The following ERP27 variants were observed in gnomAD, a reference collection of about 807,000 sequenced individuals.
ERP27 encodes the protein endoplasmic reticulum resident protein 27.
A neutral mutation model predicts 27.7 loss-of-function variants in ERP27; 23 were observed. The ratio of observed to expected loss-of-function variants is 0.83; its 90% CI spans 0.60 to 1.18. The LOEUF is 1.18. Among genes scored for constraint, ERP27 ranks in the 50% most tolerant of loss-of-function variants. The probability of loss-of-function intolerance (pLI) is 0.00; values close to 1 mark genes in which losing one functional copy is unlikely to be tolerated. For synonymous variants in ERP27, 159 were observed against 118.3 expected, an observed-to-expected ratio of 1.34 and a Z score of -2.23; for missense variants, 363 against 327.9, an observed-to-expected ratio of 1.11 and a Z score of -0.83.
chr12:14,915,271 C>T (rs1420449231), intron 6 of ERP27, among the ~76,000 whole-genome samples: 4 of 152,156 alleles, frequency 2.6e-5, no homozygotes, highest in African/African-American at 7.2e-5. Flanking sequence ...AAAATCTACT[C>T]TTCTAGCTAT....
chr12:14,923,292 C>G (rs899878244), intron 3 of ERP27, among the ~76,000 whole-genome samples: 2 of 152,058 alleles, frequency 1.3e-5, no homozygotes, highest in African/African-American at 4.8e-5. Context: ...GCTGGCTCAT[C>G]TAGGTCTCCA....
chr12:14,914,721 G>A lies in ERP27; in HGVS notation c.*14C>T. The A allele has an allele frequency of 6.2e-7, 1 of 1,610,890 alleles. No individual in the cohort carries two copies. Among genetic ancestry groups the A allele is most frequent in the Non-Finnish European group, 8.5e-7 (1 of 1,178,300 alleles). The stretch of plus-strand genomic sequence containing the variant: ...TAAAGTAGATACTTGGCCATATGTA[G>A]TTCCAAGGAGAAGTCAGAGTTCCAC... On this transcript the variant is annotated 3_prime_UTR_variant, in exon 7 of 7. Transcript: ENST00000266397.
At chr12:14,924,144 A>T (rs954187177) in intron 3 of ERP27, among the ~76,000 whole-genome samples, 4 of 152,158 alleles carry the variant, frequency 2.6e-5, no homozygotes, top group African/African-American at 9.7e-5. Context: ...TTTCTGTACA[A>T]GGCTTATTTC....
Position 14,929,103 on chromosome 12 carries a change from C to T in ERP27, c.333+5753G>A, listed in dbSNP as rs1863658239. On this transcript the variant is annotated intron_variant, in intron 3 of 6. Coordinates refer to ENST00000266397, the MANE Select transcript of ERP27 (RefSeq NM_152321.4). ...TAGGAATTCCTAGGTCTGGTGCCTG[C>T]ACCTCAGCTCACATCGCTGTGCATG... is the stretch of plus-strand genomic sequence containing the variant. 6 of 1,509,110 alleles carry T rather than the reference C, an allele frequency of 4.0e-6. 1 individual carries two copies. The highest frequency in any genetic ancestry group is 2.5e-5 in the South Asian group (2 of 79,618). The allele number at this position is 1,509,110 out of a possible 1,614,324, so 93.5% of individuals were successfully genotyped here.
rs758952541 is a variant in ERP27, at chr12:14,917,416, A to G, written c.451-113T>C. ...TAAATGAGAGCTGGCCACTGGTAACACAAATGGAACTAGCTTCCAAGATGG... is the reference window on the plus strand; with the variant it reads ...TAAATGAGAGCTGGCCACTGGTAACGCAAATGGAACTAGCTTCCAAGATGG... On this transcript the variant is annotated intron_variant, in intron 4 of 6. Transcript: ENST00000266397. 3.5e-5 allele frequency: 48 copies of G among 1,386,278 alleles called. No individual in the cohort carries two copies. The Admixed American group carries it at 3.5e-4, about 10-fold the overall frequency. The allele number at this position is 1,386,278 out of a possible 1,614,324, so 85.9% of individuals were successfully genotyped here.
chr12:14,918,661 G>A (rs1343076445), intron 4 of ERP27, among the ~76,000 whole-genome samples: 2 of 152,200 alleles, frequency 1.3e-5, no homozygotes, highest in Non-Finnish European at 2.9e-5. Context: ...CAGAGTCTTA[G>A]GAGGATGGGG....
At chr12:14,929,924 T>C (rs1863673125) in intron 3 of ERP27, among the ~76,000 whole-genome samples, 1 of 151,914 alleles carries the variant, frequency 6.6e-6, no homozygotes, top group South Asian at 2.1e-4. Context: ...TTAAAGCTGT[T>C]CAGCTTATCA....
chr12:14,938,383 A>G (rs1312519534), intron 1 of ERP27, 32 bp downstream of exon 1: 15 of 1,604,376 alleles, frequency 9.3e-6, no homozygotes, highest in Non-Finnish European at 1.3e-5. Context: ...ACACTTTCAC[A>G]CTATAGCCAC....
rs565618670 is a variant in ERP27, at chr12:14,914,413, C to G, written c.*322G>C. On this transcript the variant is annotated 3_prime_UTR_variant, in exon 7 of 7. Transcript: ENST00000266397. ...CTTTCATAGAGGCATCACAGTGAGT[C>G]TCTTAAAGCCTTGATCTAGGTGTGT... The G allele has an allele frequency of 6.9e-5, 21 of 303,102 alleles. No homozygotes were observed. In the South Asian group the frequency reaches 2.0e-3, roughly 29 times the overall value. The allele number at this position is 303,102 out of a possible 1,614,324, so 18.8% of individuals were successfully genotyped here.
intron 3 of ERP27, chr12:14,928,812 G>T: frequency 1.2e-6 from 1 of 830,160 alleles, no homozygotes; most frequent in Non-Finnish European, 1.9e-6. Context: ...GTCTTAGGTA[G>T]ATCCTTGCCC....
Position 14,923,472 on chromosome 12 carries a change from ATATC to A in ERP27, c.334-2428_334-2425del, listed in dbSNP as rs199693677. Among the ~76,000 whole-genome samples, 541 of 146,070 alleles carry A rather than the reference ATATC, an allele frequency of 3.7e-3. 1 individual carries two copies. Among genetic ancestry groups the A allele is most frequent in the African/African-American group, 0.013 (496 of 38,774 alleles). The stretch of plus-strand genomic sequence containing the variant: ...GTAAAAATGTAATTTTTACTATATA[ATATC>A]TATCTATCTATAATCAATCTATCTA... On this transcript the variant is annotated intron_variant, in intron 3 of 6. Transcript: ENST00000266397.
chr12:14,929,692 TTTG>T (rs1863668746), intron 3 of ERP27, among the ~76,000 whole-genome samples: 1 of 152,316 alleles, frequency 6.6e-6, no homozygotes, highest in Non-Finnish European at 1.5e-5. Flanking sequence ...GTAGATTTTT[TTTG>T]TTGTTGTAGA....
chr12:14,921,322 C>G (rs1297170560), intron 3 of ERP27, among the ~76,000 whole-genome samples: 1 of 152,200 alleles, frequency 6.6e-6, no homozygotes. Context: ...GAAGAAGTTA[C>G]TCCTGAAAAG....
chr12:14,922,966 G>C (rs1358764041), intron 3 of ERP27, among the ~76,000 whole-genome samples: 2 of 151,960 alleles, frequency 1.3e-5, no homozygotes, highest in Admixed American at 6.6e-5. Flanking sequence ...CTACTCTGGA[G>C]GCTAAGGCAG....
Position 14,915,539 on chromosome 12 carries a change from C to G in ERP27, c.724G>C (p.Val242Leu). The G allele has an allele frequency of 3.7e-6, 6 of 1,614,204 alleles. No homozygotes were observed. The highest frequency in any genetic ancestry group is 5.1e-6 in the Non-Finnish European group (6 of 1,180,014). ...WDTLPTAEVS[V>L]EHVQNFCDGF... ...TCACAAAAGTTTTGCACATGCTCTACGGAAACTTCTGCTGTGGGCAGTGTA... is the reference window on the plus strand; with the variant it reads ...TCACAAAAGTTTTGCACATGCTCTAGGGAAACTTCTGCTGTGGGCAGTGTA... The change falls in exon 6 of 7, where the codon GTA becomes CTA. Residue 242 changes from valine (V) to leucine (L), a missense_variant. Coordinates refer to ENST00000266397, the MANE Select transcript of ERP27 (RefSeq NM_152321.4).
intron 1 of ERP27, 36 bp from the exon 2 acceptor site, chr12:14,938,088 GC>G: frequency 7.8e-6 from 12 of 1,529,848 alleles, no homozygotes; most frequent in Non-Finnish European, 1.1e-5. Context: ...GGGTACTGAG[GC>G]AAGAAGAAGC....
intron 3 of ERP27, among the ~76,000 whole-genome samples, chr12:14,925,016 A>G (rs1190592521): frequency 6.6e-6 from 1 of 152,236 alleles, no homozygotes; most frequent in Non-Finnish European, 1.5e-5. Flanking sequence ...TGAGGCATGG[A>G]TAATCCACCG....
At chr12:14,934,761 GT>G in intron 3 of ERP27, 94 bp downstream of exon 3, 1 of 1,475,136 alleles carries the variant, frequency 6.8e-7, no homozygotes, top group South Asian at 1.2e-5. Flanking sequence ...CATCATTAGT[GT>G]AAAAGACATA....
At chr12:14,916,734 G>C (rs1288435387) in intron 5 of ERP27, among the ~76,000 whole-genome samples, 1 of 152,094 alleles carries the variant, frequency 6.6e-6, no homozygotes, top group Admixed American at 6.5e-5. Context: ...GTAATATCAA[G>C]CAGAACTCCA....
Sources: allele counts gnomAD v4.1 joint callset (sites outside exome capture counted in the v4.1 genomes callset), GRCh38; gene constraint gnomAD v4.1.1; transcripts MANE v1.5; gene names NCBI Gene and HGNC (gene_info 2026-07-23, HGNC 2026-07-21).